NRG1: variants seen among roughly 807,000 people sequenced by gnomAD.
NRG1 encodes the protein neuregulin 1.
NRG1 carries 18 observed loss-of-function variants against 63.8 expected under a neutral mutation model. The ratio of observed to expected loss-of-function variants is 0.28; its 90% CI spans 0.19 to 0.42. NRG1 has a LOEUF of 0.42. NRG1 is among the 10% of genes least tolerant of loss of function. The pLI is 1.00. For synonymous variants in NRG1, 302 were observed against 301.3 expected (o/e 1.00, Z -0.02); for missense variants, 762 against 814.7 (o/e 0.94, Z 0.79).
intron 1 of NRG1, among the ~76,000 whole-genome samples, chr8:31,845,505 G>A (rs888713519): frequency 6.6e-6 from 1 of 152,106 alleles, no homozygotes; most frequent in Non-Finnish European, 1.5e-5. Flanking sequence ...GGAGGTTTTT[G>A]CAAGTGGTTG....
At chr8:32,320,637 A>G (rs2129476711) in intron 1 of NRG1, among the ~76,000 whole-genome samples, 1 of 152,212 alleles carries the variant, frequency 6.6e-6, no homozygotes, top group African/African-American at 2.4e-5. Context: ...AGCAAGGGGA[A>G]ATCTGCCCCC....
intron 1 of NRG1, among the ~76,000 whole-genome samples, chr8:31,957,828 T>A (rs536393175): frequency 6.6e-6 from 1 of 152,266 alleles, no homozygotes; most frequent in South Asian, 2.1e-4. Context: ...TATCATTTCT[T>A]ATATTAAGTT....
At chr8:31,678,708 AATTT>A (rs1343938044) in intron 1 of NRG1, among the ~76,000 whole-genome samples, 2 of 148,752 alleles carry the variant, frequency 1.3e-5, no homozygotes, top group East Asian at 1.9e-4. Flanking sequence ...ATAGCATATT[AATTT>A]ATTAAAGTAT....
intron 1 of NRG1, among the ~76,000 whole-genome samples, chr8:31,950,497 G>A (rs577400792): frequency 2.6e-5 from 4 of 152,198 alleles, no homozygotes; most frequent in Admixed American, 2.6e-4. Flanking sequence ...AAACAAACAG[G>A]TGAGCACCAG....
At chr8:31,802,911 C>T (rs1821927190) in intron 1 of NRG1, among the ~76,000 whole-genome samples, 1 of 152,106 alleles carries the variant, frequency 6.6e-6, no homozygotes, top group Non-Finnish European at 1.5e-5. Flanking sequence ...AGGAAATAAA[C>T]AATTTTTAAA....
chr8:32,233,593 TCTCA>T (rs1847232891), intron 1 of NRG1, among the ~76,000 whole-genome samples: 1 of 143,560 alleles, frequency 7.0e-6, no homozygotes, highest in Non-Finnish European at 1.5e-5. Flanking sequence ...TGAAACGGTG[TCTCA>T]CTCTGTCACC....
intron 1 of NRG1, among the ~76,000 whole-genome samples, chr8:32,292,441 T>C (rs1278387586): frequency 6.6e-6 from 1 of 152,192 alleles, no homozygotes; most frequent in African/African-American, 2.4e-5. Context: ...AAAGCCAAAC[T>C]GACGGTTTGG....
intron 6 of NRG1, among the ~76,000 whole-genome samples, chr8:32,736,475 A>C (rs1284297999): frequency 6.6e-6 from 1 of 152,250 alleles, no homozygotes; most frequent in Admixed American, 6.5e-5. Flanking sequence ...AGAGAGAGCA[A>C]AGGCTTTGGT....
intron 1 of NRG1, among the ~76,000 whole-genome samples, chr8:32,352,918 G>T (rs756524884): frequency 0.067 from 8,300 of 124,268 alleles, 285 homozygotes; most frequent in Non-Finnish European, 0.092. Context: ...TATATATAGA[G>T]AGAGAGAGAG....
At chr8:32,358,374 A>G (rs1342148139) in intron 1 of NRG1, among the ~76,000 whole-genome samples, 2 of 121,186 alleles carry the variant, frequency 1.7e-5, no homozygotes, top group African/African-American at 5.1e-5. Context: ...TTATGAAAAA[A>G]AAAAAAAAAA....
intron 1 of NRG1, among the ~76,000 whole-genome samples, chr8:32,448,237 C>A (rs962532673): frequency 1.3e-5 from 2 of 152,072 alleles, no homozygotes; most frequent in East Asian, 3.9e-4. Context: ...TGTAGATATA[C>A]CCACATGGAC....
chr8:32,413,783 C>A (rs532914815), intron 1 of NRG1, among the ~76,000 whole-genome samples: 1 of 152,100 alleles, frequency 6.6e-6, no homozygotes, highest in African/African-American at 2.4e-5. Flanking sequence ...AAAATGAATA[C>A]CCAGAGGCTC....
chr8:32,380,353 G>A (rs1301842195), intron 1 of NRG1, among the ~76,000 whole-genome samples: 1 of 152,034 alleles, frequency 6.6e-6, no homozygotes, highest in Non-Finnish European at 1.5e-5. Context: ...ACGAATAAAT[G>A]TAGAGTGTTT....
chr8:32,261,250 CATT>C (rs1304540178), intron 1 of NRG1, among the ~76,000 whole-genome samples: 1 of 151,892 alleles, frequency 6.6e-6, no homozygotes, highest in African/African-American at 2.4e-5. Flanking sequence ...TCAGTTTTTT[CATT>C]ATTATCCTTT....
chr8:31,864,334 A>G (rs1250647756), intron 1 of NRG1, among the ~76,000 whole-genome samples: 3 of 152,126 alleles, frequency 2.0e-5, no homozygotes, highest in Non-Finnish European at 4.4e-5. Context: ...CAGTAATCCA[A>G]TCATCACACA....
At chr8:32,142,245 ATGG>A (rs1836367914) in intron 1 of NRG1, among the ~76,000 whole-genome samples, 1 of 152,142 alleles carries the variant, frequency 6.6e-6, no homozygotes, top group East Asian at 1.9e-4. Context: ...TTGCCTGAGG[ATGG>A]TGAAAGTAAT....
At chr8:31,922,538 T>A (rs1047778576) in intron 1 of NRG1, among the ~76,000 whole-genome samples, 2 of 152,212 alleles carry the variant, frequency 1.3e-5, no homozygotes, top group Non-Finnish European at 2.9e-5. Context: ...TATGTCATTG[T>A]CCTTGTTAGA....
At chr8:32,768,310 C>A (rs573173318), downstream of NRG1, among the ~76,000 whole-genome samples, 1 of 152,316 alleles carries the variant, frequency 6.6e-6, no homozygotes, top group South Asian at 2.1e-4. Context: ...GAAACTCCTT[C>A]AGACTAATGA....
chr8:32,704,627 G>A (rs1381594758), intron 5 of NRG1, among the ~76,000 whole-genome samples: 1 of 152,170 alleles, frequency 6.6e-6, no homozygotes, highest in Non-Finnish European at 1.5e-5. Context: ...TTTATGATTT[G>A]AGAAAAATAC....
Sources: allele counts gnomAD v4.1 joint callset (sites outside exome capture counted in the v4.1 genomes callset), GRCh38; gene constraint gnomAD v4.1.1; transcripts MANE v1.5; gene names NCBI Gene and HGNC (gene_info 2026-07-23, HGNC 2026-07-21).